Variants in GRM3 observed in about 807,000 individuals in gnomAD.
GRM3 encodes the protein glutamate metabotropic receptor 3, also known as metabotropic glutamate receptor 3.
Under a neutral mutation model 70.5 loss-of-function variants are expected in GRM3, and 26 were observed. The observed-to-expected ratio is 0.37, with a 90% CI of 0.27 to 0.51. The LOEUF is 0.51. GRM3 is among the 20% of genes least tolerant of loss of function. GRM3 has a pLI of 0.93. For synonymous variants in GRM3, 443 were observed against 434.9 expected, an observed-to-expected ratio of 1.02 and a Z score of -0.23; for missense variants, 859 against 1,123.8, an observed-to-expected ratio of 0.76 and a Z score of 3.37.
In GRM3 at chr7:86,739,697, A is replaced by T. The variant is rs960061272; in HGVS notation, c.-140-25309A>T. ...CGTAGTTTAACAAGCCTTCCAGGTG[A>T]TTCTAATCATGCTTAAATTTGAGAA... On this transcript the variant is annotated intron_variant, in intron 1 of 5. Coordinates refer to ENST00000361669, the MANE Select transcript of GRM3 (RefSeq NM_000840.3). 7.2e-5 allele frequency among the ~76,000 whole-genome samples: 11 copies of T among 152,210 alleles called. 1 individual carries two copies. Among genetic ancestry groups the T allele is most frequent in the African/African-American group, 2.7e-4 (11 of 41,466 alleles).
intron 1 of GRM3, among the ~76,000 whole-genome samples, chr7:86,645,908 A>G (rs1793449812): frequency 6.7e-6 from 1 of 148,258 alleles, no homozygotes; most frequent in South Asian, 2.1e-4. Flanking sequence ...AGTACCAACA[A>G]TAGTTCCTTA....
intron 1 of GRM3, among the ~76,000 whole-genome samples, chr7:86,700,926 T>C (rs573854969): frequency 6.6e-6 from 1 of 152,054 alleles, no homozygotes; most frequent in Admixed American, 6.6e-5. Flanking sequence ...AACGTATCAT[T>C]TCAAACAGAT....
intron 1 of GRM3, among the ~76,000 whole-genome samples, chr7:86,701,065 G>A (rs1458965329): frequency 6.6e-6 from 1 of 151,730 alleles, no homozygotes; most frequent in African/African-American, 2.4e-5. Flanking sequence ...ATTGCATTCT[G>A]TTATCCAGAA....
chr7:86,710,051 C>T (rs1795157618), intron 1 of GRM3: 1 of 152,206 alleles, frequency 6.6e-6, no homozygotes, highest in Admixed American at 6.5e-5. Context: ...CGAGCATTTT[C>T]TTCTATCTCA....
chr7:86,657,650 C>T (rs1193712278), intron 1 of GRM3, among the ~76,000 whole-genome samples: 1 of 152,082 alleles, frequency 6.6e-6, no homozygotes, highest in African/African-American at 2.4e-5. Flanking sequence ...GCAGGGGAAT[C>T]TGAAAGCACA....
chr7:86,757,998 G>A (rs904859790), intron 1 of GRM3, among the ~76,000 whole-genome samples: 1 of 152,118 alleles, frequency 6.6e-6, no homozygotes, highest in Non-Finnish European at 1.5e-5. Flanking sequence ...ACTTGTTGGA[G>A]CAATAATGGT....
At chr7:86,757,547 A>G (rs1423148199) in intron 1 of GRM3, among the ~76,000 whole-genome samples, 1 of 152,170 alleles carries the variant, frequency 6.6e-6, no homozygotes, top group Non-Finnish European at 1.5e-5. Context: ...CCTCTCGGAT[A>G]TGTCTGCCAG....
chr7:86,720,301 A>G (rs1040633773), intron 1 of GRM3, among the ~76,000 whole-genome samples: 1 of 152,002 alleles, frequency 6.6e-6, no homozygotes, highest in African/African-American at 2.4e-5. Flanking sequence ...AAAACTACAG[A>G]TGGAAAGGAG....
chr7:86,766,664 C>A (rs562705262), intron 2 of GRM3, among the ~76,000 whole-genome samples: 4 of 152,030 alleles, frequency 2.6e-5, no homozygotes, highest in African/African-American at 9.6e-5. Flanking sequence ...TTTTAACTAC[C>A]CCATGTGATA....
At chr7:86,741,726 C>G (rs1418606340) in intron 1 of GRM3, among the ~76,000 whole-genome samples, 2 of 152,082 alleles carry the variant, frequency 1.3e-5, no homozygotes, top group East Asian at 3.9e-4. Flanking sequence ...AAATAGGGCC[C>G]AACATATCTA....
chr7:86,788,922 C>T lies in GRM3; in HGVS notation c.1324+1806C>T, dbSNP rs543815722. Among the ~76,000 whole-genome samples the T allele has an allele frequency of 2.6e-4, 40 of 152,184 alleles. 1 individual carries two copies. The South Asian group carries it at 6.6e-3, about 25-fold the overall frequency. Reference sequence around the variant, plus strand: ...TCATCAACAGCTAAAATAAAATGAACGCTTAGAATTCAGAGAGCCTTTGCA... The same window carrying T: ...TCATCAACAGCTAAAATAAAATGAATGCTTAGAATTCAGAGAGCCTTTGCA... On this transcript the variant is annotated intron_variant, in intron 3 of 5. Transcript: ENST00000361669.
rs752313567 is a variant in GRM3, at chr7:86,854,495, T to A, written c.2566+3951T>A. ...TATGTGCAAAAGAGTACAATTAAAG[T>A]TGTGCCTAATTAATTATATACAGTA... On this transcript the variant is annotated intron_variant, in intron 5 of 5. Coordinates refer to ENST00000361669, the MANE Select transcript of GRM3 (RefSeq NM_000840.3). Among the ~76,000 whole-genome samples, 107 of 152,086 alleles carry A rather than the reference T, an allele frequency of 7.0e-4. 1 individual carries two copies. Among genetic ancestry groups the A allele is most frequent in the Non-Finnish European group, 1.4e-3 (93 of 68,034 alleles).
At chr7:86,729,921 C>A (rs1052547024) in intron 1 of GRM3, among the ~76,000 whole-genome samples, 4 of 151,878 alleles carry the variant, frequency 2.6e-5, no homozygotes, top group Admixed American at 6.6e-5. Flanking sequence ...TCCTGGCCAA[C>A]ATGGTGAAAC....
At chr7:86,716,488 C>G (rs1795318950) in intron 1 of GRM3, among the ~76,000 whole-genome samples, 1 of 151,778 alleles carries the variant, frequency 6.6e-6, no homozygotes, top group Non-Finnish European at 1.5e-5. Context: ...GGAATTCACG[C>G]CCAGGTTTTC....
chr7:86,829,361 G>T (rs1049277573), intron 3 of GRM3, among the ~76,000 whole-genome samples: 2 of 152,178 alleles, frequency 1.3e-5, no homozygotes, highest in African/African-American at 4.8e-5. Flanking sequence ...TACCATTTGT[G>T]TGCTTGCTGG....
At chr7:86,742,263 G>A (rs775836060) in intron 1 of GRM3, among the ~76,000 whole-genome samples, 14 of 152,108 alleles carry the variant, frequency 9.2e-5, no homozygotes, top group African/African-American at 1.7e-4. Context: ...AGGAAGCCTC[G>A]CTGCTTTTGA....
At position 86,864,772 on chromosome 7, in the gene GRM3, AT is replaced by A. The variant is rs1410453910; in HGVS notation, c.*418del. 2.6e-5 allele frequency: 4 copies of A among 156,244 alleles called. No homozygotes were observed. The highest frequency in any genetic ancestry group is 6.4e-5 in the Admixed American group (1 of 15,734). 9.7% of individuals were successfully genotyped at this position (156,244 alleles called of 1,614,324 possible). A position where few individuals can be genotyped will look rare whatever the true frequency, so the allele number is the denominator to read the frequency against. On this transcript the variant is annotated 3_prime_UTR_variant, in exon 6 of 6. Coordinates refer to ENST00000361669, the MANE Select transcript of GRM3 (RefSeq NM_000840.3). ...AATTTAGGATGAGTTTCTATGTTGT[AT>A]ATTAAAGTTACATTATGTGTAACAG... is the stretch of plus-strand genomic sequence containing the variant.
chr7:86,776,668 G>A (rs1483484446), intron 2 of GRM3, among the ~76,000 whole-genome samples: 1 of 152,144 alleles, frequency 6.6e-6, no homozygotes, highest in Non-Finnish European at 1.5e-5. Context: ...TGTTATACAA[G>A]TGACTTCAGG....
chr7:86,786,204 A>G lies in GRM3; in HGVS notation c.469-57A>G. ...GGTGTGGATGCTATTATTCATTTTCATGTCCAGTCATCTACCTCGGGGTTT... is the reference window on the plus strand; with the variant it reads ...GGTGTGGATGCTATTATTCATTTTCGTGTCCAGTCATCTACCTCGGGGTTT... On this transcript the variant is annotated intron_variant, in intron 2 of 5. Coordinates refer to ENST00000361669, the MANE Select transcript of GRM3 (RefSeq NM_000840.3). This position sits in a 1 kb window ranked among gnomAD's most constrained non-coding sequence, Gnocchi z 6.0. The G allele has an allele frequency of 6.8e-7, 1 of 1,462,994 alleles. No individual in the cohort carries two copies. The highest frequency in any genetic ancestry group is 9.3e-7 in the Non-Finnish European group (1 of 1,070,978). 90.6% of individuals were successfully genotyped at this position (1,462,994 alleles called of 1,614,324 possible). A position where few individuals can be genotyped will look rare whatever the true frequency, so the allele number is the denominator to read the frequency against.
Sources: gnomAD v4.1 joint callset for allele counts (sites outside exome capture counted in the v4.1 genomes callset) on GRCh38, gnomAD v4.1.1 for gene constraint, Gnocchi (gnomAD v3.1) non-coding constraint, MANE v1.5 for transcripts, NCBI Gene and HGNC (gene_info 2026-07-23, HGNC 2026-07-21) for gene names.